Variants in STK38 observed in about 807,000 individuals in gnomAD.
STK38 encodes serine/threonine kinase 38.
A neutral mutation model predicts 59.0 loss-of-function variants in STK38; 26 were observed. The observed-to-expected ratio is 0.44, with a 90% CI of 0.32 to 0.61. The LOEUF (loss-of-function observed/expected upper bound fraction) is 0.61. Among genes scored for constraint, STK38 ranks in the 20% least tolerant of loss-of-function variants. STK38 has a pLI of 0.04. For synonymous variants in STK38, 175 were observed against 176.6 expected (o/e 0.99, Z 0.07); for missense variants, 433 against 566.0 (o/e 0.76, Z 2.38).
chr6:36,527,401 A>G (rs1011761454), intron 2 of STK38, among the ~76,000 whole-genome samples: 2 of 150,438 alleles, frequency 1.3e-5, no homozygotes, highest in African/African-American at 4.9e-5. Flanking sequence ...GTATATAAAA[A>G]TTAGCTGGGC....
chr6:36,512,390 G>A (rs1777135177), intron 7 of STK38, among the ~76,000 whole-genome samples: 1 of 152,104 alleles, frequency 6.6e-6, no homozygotes, highest in African/African-American at 2.4e-5. Context: ...AGACTACAGG[G>A]GACAAAGAAG....
rs933018337 is a variant in STK38 at position 36,547,425 on chromosome 6, G to C, written c.-241C>G. The C allele has an allele frequency of 2.6e-5, 4 of 152,260 alleles. No individual in the cohort carries two copies. Among genetic ancestry groups the C allele is most frequent in the South Asian group, 2.1e-4 (1 of 4,830 alleles). 9.4% of individuals were successfully genotyped at this position (152,260 alleles called of 1,614,324 possible). A position where few individuals can be genotyped will look rare whatever the true frequency, so the allele number is the denominator to read the frequency against. On this transcript the variant is annotated 5_prime_UTR_variant, in exon 1 of 14. Transcript: ENST00000229812. ...GAGCGCTGAGGGGCCAAGGCAGCCC[G>C]GTCCCCCGCCGCGGAGACGGGCTGG...
At chr6:36,525,385 G>C (rs1561985799) in intron 3 of STK38, among the ~76,000 whole-genome samples, 1 of 152,032 alleles carries the variant, frequency 6.6e-6, no homozygotes, top group Non-Finnish European at 1.5e-5. Context: ...TACTATAACT[G>C]CATCTAGAGA....
rs568328022 is a variant in STK38, at chr6:36,503,490, C to A, written c.834+3093G>T. Among the ~76,000 whole-genome samples, 9 of 151,926 alleles carry A rather than the reference C, an allele frequency of 5.9e-5. No homozygotes were observed. The South Asian group carries it at 1.9e-3, about 32-fold the overall frequency. ...ATATATTTAAATGCAGATATTAACACAAATGCCAGTGTTGTCTTTTGTCTT... is the reference window on the plus strand; with the variant it reads ...ATATATTTAAATGCAGATATTAACAAAAATGCCAGTGTTGTCTTTTGTCTT... On this transcript the variant is annotated intron_variant, in intron 9 of 13. Coordinates refer to ENST00000229812, the MANE Select transcript of STK38 (RefSeq NM_007271.4).
chr6:36,508,789 C>T (rs950770837), intron 7 of STK38, among the ~76,000 whole-genome samples: 1 of 152,174 alleles, frequency 6.6e-6, no homozygotes, highest in African/African-American at 2.4e-5. Context: ...CACAGCCAGG[C>T]ACACCGGTGG....
At chr6:36,507,665 G>A (rs762773715) in intron 7 of STK38, 63 bp from the exon 8 acceptor site, 61 of 1,235,022 alleles carry the variant, frequency 4.9e-5, no homozygotes, top group Middle Eastern at 1.9e-4. Context: ...AGAACATTAC[G>A]TTCTGCTCCT....
chr6:36,531,629 T>C (rs999891668), intron 2 of STK38, among the ~76,000 whole-genome samples: 3 of 152,172 alleles, frequency 2.0e-5, no homozygotes, highest in Non-Finnish European at 2.9e-5. Context: ...CCCTATTGAG[T>C]GCTTATGATC....
chr6:36,504,898 C>CAAAAAAAAAAAAAAAA (rs562032331), intron 9 of STK38, among the ~76,000 whole-genome samples: 24 of 64,054 alleles, frequency 3.7e-4, no homozygotes, highest in African/African-American at 5.9e-4. Flanking sequence ...TCCTGGCCTC[C>CAAAAAAAAAAAAAAAA]AAAAAAAAAA....
At position 36,498,575 on chromosome 6, in the gene STK38, TTTTTTTC is replaced by T. The variant is rs760724576; in HGVS notation, c.953-96_953-90del. ...TCTCCTTAATAAAATTCTATGTCTT[TTTTTTTC>T]TTTTTTCTTTTTTTTTTTTTTTTGA... On this transcript the variant is annotated intron_variant, in intron 10 of 13. Transcript: ENST00000229812. 1.4e-4 allele frequency: 199 copies of T among 1,461,114 alleles called. 1 individual carries two copies. The highest frequency in any genetic ancestry group is 3.3e-4 in the South Asian group (25 of 76,206). The allele number at this position is 1,461,114 out of a possible 1,614,324, so 90.5% of individuals were successfully genotyped here.
rs935647983 is a variant in STK38 at position 36,494,333 on chromosome 6, C to T, written c.*1451G>A. ...AAAGCTGATCTTCAGAACCTCAAGA[C>T]TGGCAGAAAGCAGGCTCCCAGCTGC... On this transcript the variant is annotated 3_prime_UTR_variant, in exon 14 of 14. Transcript: ENST00000229812. 1.3e-5 allele frequency: 2 copies of T among 152,702 alleles called. No homozygotes were observed. Among genetic ancestry groups the T allele is most frequent in the African/African-American group, 4.8e-5 (2 of 41,472 alleles). 9.5% of individuals were successfully genotyped at this position (152,702 alleles called of 1,614,324 possible). A position where few individuals can be genotyped will look rare whatever the true frequency, so the allele number is the denominator to read the frequency against.
At chr6:36,505,969 T>C (rs1364808774) in intron 9 of STK38, among the ~76,000 whole-genome samples, 2 of 152,184 alleles carry the variant, frequency 1.3e-5, no homozygotes, top group Non-Finnish European at 2.9e-5. Context: ...ACTGGTAAAT[T>C]TGTACTTCCA....
rs541763622 is a variant in STK38 at position 36,521,665 on chromosome 6, T to G, written c.390+69A>C. 5.0e-6 allele frequency: 6 copies of G among 1,191,956 alleles called. No homozygotes were observed. In the Admixed American group the frequency reaches 1.5e-4, roughly 30 times the overall value. The allele number at this position is 1,191,956 out of a possible 1,614,324, so 73.8% of individuals were successfully genotyped here. On this transcript the variant is annotated intron_variant, in intron 5 of 13. Coordinates refer to ENST00000229812, the MANE Select transcript of STK38 (RefSeq NM_007271.4). ...CTGTAATAAAAATATATATTTCAAT[T>G]AAACAAAAAGAAAAGTTTTAGGAGA...
intron 12 of STK38, 147 bp downstream of exon 12, chr6:36,497,633 C>T: frequency 1.5e-6 from 1 of 655,426 alleles, no homozygotes; most frequent in Admixed American, 2.9e-5. Context: ...GCCCAATCTT[C>T]ACCATGAATG....
chr6:36,535,634 T>C (rs977527979), intron 2 of STK38, among the ~76,000 whole-genome samples: 2 of 151,706 alleles, frequency 1.3e-5, no homozygotes, highest in African/African-American at 4.8e-5. Flanking sequence ...TCCCAAAACT[T>C]TGGGAGGCCA....
intron 10 of STK38, among the ~76,000 whole-genome samples, chr6:36,499,095 AAT>A (rs1416555038): frequency 2.0e-5 from 3 of 152,228 alleles, no homozygotes; most frequent in Non-Finnish European, 4.4e-5. Context: ...GGAGGACATA[AAT>A]AGAGTTGCAG....
At chr6:36,526,112 T>G (rs914995640) in intron 2 of STK38, among the ~76,000 whole-genome samples, 4 of 152,162 alleles carry the variant, frequency 2.6e-5, no homozygotes, top group African/African-American at 9.7e-5. Flanking sequence ...ATTACAGGTG[T>G]GAGCCACCAT....
chr6:36,524,205 T>C, intron 4 of STK38, 136 bp downstream of exon 4: 1 of 1,008,152 alleles, frequency 9.9e-7, no homozygotes, highest in Non-Finnish European at 1.4e-6. Context: ...GACAAAGCAA[T>C]TAGGATGTGG....
intron 1 of STK38, among the ~76,000 whole-genome samples, chr6:36,545,992 A>C (rs909223705): frequency 6.6e-6 from 1 of 152,182 alleles, no homozygotes; most frequent in Non-Finnish European, 1.5e-5. Flanking sequence ...TCTCTCAACA[A>C]TATGGACTTT....
At chr6:36,540,703 C>G (rs563528753) in intron 1 of STK38, among the ~76,000 whole-genome samples, 1 of 149,798 alleles carries the variant, frequency 6.7e-6, no homozygotes, top group Non-Finnish European at 1.5e-5. Context: ...CTTGGCTCAC[C>G]GCAACCTCCA....
Sources: gnomAD v4.1 joint callset for allele counts (sites outside exome capture counted in the v4.1 genomes callset) on GRCh38, gnomAD v4.1.1 for gene constraint, MANE v1.5 for transcripts, NCBI Gene and HGNC (gene_info 2026-07-23, HGNC 2026-07-21) for gene names.